AGBL1: variants seen among roughly 807,000 people sequenced by gnomAD.
The protein encoded by AGBL1 is AGBL carboxypeptidase 1, also known as cytosolic carboxypeptidase 4.
A neutral mutation model predicts 118.9 loss-of-function variants in AGBL1; 130 were observed. The observed-to-expected ratio is 1.09, with a 90% CI of 0.95 to 1.26. The LOEUF is 1.26. Among genes scored for constraint, AGBL1 ranks in the 50% most tolerant of loss-of-function variants. AGBL1 has a pLI of 0.00. For missense variants in AGBL1, 1,584 were observed against 1,298.1 expected (o/e 1.22, Z -3.38); for synonymous variants, 555 against 478.9 (o/e 1.16, Z -2.08).
intron 21 of AGBL1, among the ~76,000 whole-genome samples, chr15:86,593,961 C>A (rs1448576008): frequency 6.6e-6 from 1 of 151,530 alleles, no homozygotes; most frequent in Non-Finnish European, 1.5e-5. Context: ...TTTGCTCTGT[C>A]ACTCAGGTTG....
chr15:86,248,972 T>A (rs948487141), intron 7 of AGBL1, among the ~76,000 whole-genome samples: 10 of 152,086 alleles, frequency 6.6e-5, no homozygotes, highest in Non-Finnish European at 1.3e-4. Context: ...AGGAAGAGCA[T>A]CCCAGGGAAA....
intron 1 of AGBL1, among the ~76,000 whole-genome samples, chr15:86,128,977 A>G (rs1468263187): frequency 1.3e-5 from 2 of 152,208 alleles, no homozygotes; most frequent in Non-Finnish European, 2.9e-5. Context: ...GCTTCCAATA[A>G]TGAAGCCAAT....
chr15:86,811,252 T>C (rs2078783643), intron 22 of AGBL1, among the ~76,000 whole-genome samples: 1 of 152,134 alleles, frequency 6.6e-6, no homozygotes, highest in Non-Finnish European at 1.5e-5. Context: ...CCATCAGAAA[T>C]GTTTTAGCAG....
intron 24 of AGBL1, among the ~76,000 whole-genome samples, chr15:87,027,408 C>G (rs995204870): frequency 6.6e-6 from 1 of 151,644 alleles, no homozygotes; most frequent in Non-Finnish European, 1.5e-5. Context: ...TACCATTTGA[C>G]CGAGCAATCT....
At chr15:86,686,653 G>T (rs2086063008) in intron 22 of AGBL1, among the ~76,000 whole-genome samples, 2 of 151,908 alleles carry the variant, frequency 1.3e-5, no homozygotes, top group African/African-American at 4.8e-5. Flanking sequence ...TGGCCAGGCT[G>T]GTCTTGAACT....
At chr15:86,729,100 G>C (rs1337299237) in intron 22 of AGBL1, among the ~76,000 whole-genome samples, 1 of 152,164 alleles carries the variant, frequency 6.6e-6, no homozygotes, top group Non-Finnish European at 1.5e-5. Flanking sequence ...TCCTAGGCCT[G>C]TAACCAATTT....
intron 5 of AGBL1, among the ~76,000 whole-genome samples, chr15:86,204,397 C>T (rs2077955782): frequency 6.6e-6 from 1 of 152,168 alleles, no homozygotes; most frequent in Admixed American, 6.5e-5. Context: ...CCATATACCC[C>T]TTACCCTGCA....
At chr15:86,348,963 G>T (rs1048529980) in intron 17 of AGBL1, among the ~76,000 whole-genome samples, 1 of 152,100 alleles carries the variant, frequency 6.6e-6, no homozygotes, top group African/African-American at 2.4e-5. Flanking sequence ...CTGGATCAGG[G>T]TGGGCCCAAA....
chr15:86,771,167 T>A (rs113525068), intron 22 of AGBL1, among the ~76,000 whole-genome samples: 2 of 152,038 alleles, frequency 1.3e-5, no homozygotes, highest in South Asian at 2.1e-4. Context: ...GAGCAGAGAC[T>A]AAGTTGTTAT....
chr15:86,151,485 C>G (rs900575352), intron 3 of AGBL1, among the ~76,000 whole-genome samples: 1 of 152,000 alleles, frequency 6.6e-6, no homozygotes, highest in Non-Finnish European at 1.5e-5. Context: ...GCCCTTCATG[C>G]TAAAAACTCT....
rs569860663 is a variant in AGBL1, at chr15:86,466,709, T to C, written c.2556-56101T>C. On this transcript the variant is annotated intron_variant, in intron 18 of 22. Coordinates refer to ENST00000614907, the MANE Select transcript of AGBL1 (RefSeq NM_001386094.1). Reference sequence around the variant, plus strand: ...TCGTCCTTTTTGTTGATGTTGATTCTATTGCTTTCTGTTTGTTAGTTTGTA... The same window carrying C: ...TCGTCCTTTTTGTTGATGTTGATTCCATTGCTTTCTGTTTGTTAGTTTGTA... 2.0e-5 allele frequency among the ~76,000 whole-genome samples: 3 copies of C among 152,368 alleles called. No individual in the cohort carries two copies. In the East Asian group the frequency reaches 5.8e-4, roughly 29 times the overall value.
intron 1 of AGBL1, among the ~76,000 whole-genome samples, chr15:86,084,587 G>C (rs1356286294): frequency 6.6e-6 from 1 of 152,078 alleles, no homozygotes; most frequent in African/African-American, 2.4e-5. Context: ...AGAAACCTAT[G>C]GAATATTCAC....
At chr15:86,109,367 C>A (rs1897232627) in intron 1 of AGBL1, among the ~76,000 whole-genome samples, 1 of 152,174 alleles carries the variant, frequency 6.6e-6, no homozygotes, top group Admixed American at 6.5e-5. Context: ...ACAAATACCA[C>A]AAGCTTCACA....
chr15:86,587,165 G>A (rs1019061931), intron 21 of AGBL1, among the ~76,000 whole-genome samples: 1 of 152,162 alleles, frequency 6.6e-6, no homozygotes, highest in Non-Finnish European at 1.5e-5. Flanking sequence ...ATGAGCTTAT[G>A]AGCAGGCATT....
intron 22 of AGBL1, among the ~76,000 whole-genome samples, chr15:86,828,941 T>TATATATAC (rs1338556427): frequency 1.2e-4 from 16 of 133,934 alleles, no homozygotes; most frequent in East Asian, 8.8e-4. Flanking sequence ...TATATATATA[T>TATATATAC]ACTGTGTATT....
intron 24 of AGBL1, among the ~76,000 whole-genome samples, chr15:87,011,161 GT>G (rs1158502058): frequency 6.6e-6 from 1 of 152,166 alleles, no homozygotes; most frequent in Non-Finnish European, 1.5e-5. Context: ...AACCTGCCTT[GT>G]CTTTGCACTC....
chr15:86,091,405 G>A (rs1448438134), intron 1 of AGBL1, among the ~76,000 whole-genome samples: 1 of 152,120 alleles, frequency 6.6e-6, no homozygotes, highest in Non-Finnish European at 1.5e-5. Flanking sequence ...ACCAACTGAG[G>A]ACACACTAGC....
At chr15:86,840,420 C>G (rs1362471440) in intron 22 of AGBL1, among the ~76,000 whole-genome samples, 2 of 152,102 alleles carry the variant, frequency 1.3e-5, no homozygotes, top group Non-Finnish European at 2.9e-5. Flanking sequence ...GATGCTCTGT[C>G]CAAATGCATG....
chr15:86,475,717 C>A (rs1354401256), intron 18 of AGBL1, among the ~76,000 whole-genome samples: 1 of 152,110 alleles, frequency 6.6e-6, no homozygotes, highest in Non-Finnish European at 1.5e-5. Context: ...TCAGGAAATA[C>A]AGAGAATGCC....
Sources: gnomAD v4.1 joint callset for allele counts (sites outside exome capture counted in the v4.1 genomes callset) on GRCh38, gnomAD v4.1.1 for gene constraint, MANE v1.5 for transcripts, NCBI Gene and HGNC (gene_info 2026-07-23, HGNC 2026-07-21) for gene names.